CDH23: variants seen among roughly 807,000 people sequenced by gnomAD.
CDH23 encodes the protein cadherin-23.
CDH23 carries 189 observed loss-of-function variants against 317.1 expected under a neutral mutation model. The ratio of observed to expected loss-of-function variants is 0.60; its 90% CI spans 0.53 to 0.67. The LOEUF (loss-of-function observed/expected upper bound fraction) is 0.67. Among genes scored for constraint, CDH23 ranks in the 30% least tolerant of loss-of-function variants. The pLI, the probability that CDH23 is intolerant of heterozygous loss-of-function variation, is 0.00. For synonymous variants in CDH23, 1,839 were observed against 1,876.8 expected (o/e 0.98, Z 0.52); for missense variants, 4,401 against 4,592.4 (o/e 0.96, Z 1.20).
chr10:71,674,876 C>T (rs1216711612), intron 14 of CDH23, among the ~76,000 whole-genome samples: 2 of 152,192 alleles, frequency 1.3e-5, no homozygotes, highest in Non-Finnish European at 2.9e-5. Flanking sequence ...GATGGCCACA[C>T]CTGGTGTGTG....
At position 71,702,169 on chromosome 10, in the gene CDH23, G is replaced by A; in HGVS notation, c.2545G>A (p.Glu849Lys). The change falls in exon 23 of 70, where the codon GAG becomes AAG. Residue 849 changes from glutamate (E) to lysine (K), a missense_variant. This residue lies in a region of CDH23 where 3,068 missense variants were observed against 3,203.3 expected (regional missense o/e 0.96). Transcript: ENST00000224721. ...MLDRENPDPH[E>K]AELMRKIVVS... ...GGACCGGGAGAACCCCGACCCCCAT[G>A]AGGCCGAGCTGATGCGCAAAATCGT... 6.2e-7 allele frequency: 1 copy of A among 1,613,884 alleles called. No homozygotes were observed. The highest frequency in any genetic ancestry group is 1.1e-5 in the South Asian group (1 of 91,082).
chr10:71,662,037 A>G (rs898177462), intron 14 of CDH23, among the ~76,000 whole-genome samples: 1 of 150,958 alleles, frequency 6.6e-6, no homozygotes, highest in Non-Finnish European at 1.5e-5. Flanking sequence ...CTGGGCCCGC[A>G]GCCTCTGCTG....
At chr10:71,601,298 A>G (rs952468153) in intron 9 of CDH23, among the ~76,000 whole-genome samples, 2 of 152,254 alleles carry the variant, frequency 1.3e-5, no homozygotes, top group African/African-American at 4.8e-5. Context: ...CTCTATCCTC[A>G]GTTTACTAAT....
chr10:71,584,543 T>TGTGTGTGTGTGC lies in CDH23; in HGVS notation c.832+6562_832+6563insCGTGTGTGTGTG, dbSNP rs1491235538. On this transcript the variant is annotated intron_variant, in intron 9 of 69. Transcript: ENST00000224721. ...ACACTGATTGCTTTGAAGGGAAGTC[T>TGTGTGTGTGTGC]GTGTGTGTGTGTGTGTGTGTGTGTG... Among the ~76,000 whole-genome samples, 11 of 7,740 alleles carry TGTGTGTGTGTGC rather than the reference T, an allele frequency of 1.4e-3. 1 individual carries two copies. The highest frequency in any genetic ancestry group is 2.6e-3 in the African/African-American group (9 of 3,498). 5.1% of individuals were successfully genotyped at this position (7,740 alleles called of 152,430 possible). A position where few individuals can be genotyped will look rare whatever the true frequency, so the allele number is the denominator to read the frequency against.
chr10:71,606,908 T>C (rs933450169), intron 9 of CDH23, among the ~76,000 whole-genome samples: 4 of 152,072 alleles, frequency 2.6e-5, no homozygotes, highest in African/African-American at 7.2e-5. Flanking sequence ...AGGATCCTTA[T>C]GCGGCAGCAG....
At chr10:71,723,904 ACACCCCCAGC>A in intron 28 of CDH23, 131 bp from the exon 29 acceptor site, 1 of 910,568 alleles carries the variant, frequency 1.1e-6, no homozygotes, top group South Asian at 1.4e-5. Context: ...CTTGTCTCCC[ACACCCCCAGC>A]CTCTGAGGGA....
At chr10:71,785,972 G>C (rs1458053994) in intron 44 of CDH23, among the ~76,000 whole-genome samples, 4 of 152,202 alleles carry the variant, frequency 2.6e-5, no homozygotes, top group Non-Finnish European at 5.9e-5. Flanking sequence ...CTACCCCAAA[G>C]TTGTAGAAAG....
chr10:71,513,527 A>G (rs1225826543), intron 6 of CDH23, among the ~76,000 whole-genome samples: 2 of 152,188 alleles, frequency 1.3e-5, no homozygotes, highest in Non-Finnish European at 2.9e-5. Flanking sequence ...AGCCAGAGAA[A>G]TGGGGTGAGG....
chr10:71,748,851 C>T (rs1177974510), intron 38 of CDH23: 1 of 152,738 alleles, frequency 6.5e-6, no homozygotes, highest in Non-Finnish European at 1.5e-5. Flanking sequence ...GGAGGGACGT[C>T]CCTAGTGCGT....
Position 71,803,315 on chromosome 10 carries a change from C to T in CDH23, c.7767C>T (p.Pro2589=). 1 of 1,592,476 alleles carries T rather than the reference C, an allele frequency of 6.3e-7. No individual in the cohort carries two copies. Among genetic ancestry groups the T allele is most frequent in the Non-Finnish European group, 8.6e-7 (1 of 1,169,500 alleles). ...TGGTGGCCACAGATGGTGGAGAGCCCCCACTCTGGGGCACCACCATGCTCC... is the reference window on the plus strand; with the variant it reads ...TGGTGGCCACAGATGGTGGAGAGCCTCCACTCTGGGGCACCACCATGCTCC... The part of the protein sequence containing the change: ...LTVVATDGGE[P]PLWGTTMLLV... The change falls in exon 55 of 70, where the codon CCC becomes CCT. Residue 2589 remains proline (P), a synonymous_variant. Transcript: ENST00000224721.
At chr10:71,465,188 T>G (rs867449651) in intron 3 of CDH23, among the ~76,000 whole-genome samples, 1 of 152,190 alleles carries the variant, frequency 6.6e-6, no homozygotes, top group Admixed American at 6.5e-5. Flanking sequence ...ATGTGTTGAG[T>G]GGTTACTGTA....
chr10:71,463,903 A>C (rs568962176), intron 3 of CDH23, among the ~76,000 whole-genome samples: 2 of 152,110 alleles, frequency 1.3e-5, no homozygotes, highest in East Asian at 3.9e-4. Flanking sequence ...TTTTCTACCC[A>C]ATACCCAATC....
intron 6 of CDH23, among the ~76,000 whole-genome samples, chr10:71,514,445 A>G (rs1287744326): frequency 6.6e-6 from 1 of 152,180 alleles, no homozygotes; most frequent in Non-Finnish European, 1.5e-5. Context: ...GCCTGGAGAC[A>G]TGACCCACCT....
intron 11 of CDH23, among the ~76,000 whole-genome samples, chr10:71,623,633 A>C (rs1034507736): frequency 1.3e-5 from 2 of 152,020 alleles, no homozygotes; most frequent in African/African-American, 4.8e-5. Flanking sequence ...GACACTCCCC[A>C]CTCCCGTGAC....
intron 3 of CDH23, among the ~76,000 whole-genome samples, chr10:71,503,961 G>T (rs905243140): frequency 6.6e-6 from 1 of 152,156 alleles, no homozygotes; most frequent in Non-Finnish European, 1.5e-5. Flanking sequence ...AGCCCAGTGA[G>T]CCTGTGAGAT....
rs142553313 is a variant in CDH23 at position 71,570,444 on chromosome 10, C to T, written c.625-346C>T. On this transcript the variant is annotated intron_variant, in intron 7 of 69. Transcript: ENST00000224721. ...ATCTACTCCAAGCTGGTCATCCCAC[C>T]ACCGGATGTCCAAGGAAGTCAGGCC... Among the ~76,000 whole-genome samples the T allele has an allele frequency of 5.1e-3, 782 of 152,300 alleles. 1 individual carries two copies. The highest frequency in any genetic ancestry group is 0.014 in the Middle Eastern group (4 of 294).
At chr10:71,773,341 G>A (rs201293554) in intron 38 of CDH23, 7 of 1,596,802 alleles carry the variant, frequency 4.4e-6, no homozygotes, top group Non-Finnish European at 6.0e-6. Context: ...CCAGCGCCCC[G>A]CCTCCCCCGA....
At chr10:71,558,208 C>T (rs1044684978) in intron 6 of CDH23, among the ~76,000 whole-genome samples, 34 of 152,100 alleles carry the variant, frequency 2.2e-4, no homozygotes, top group African/African-American at 8.0e-4. Context: ...CCATGTTGAC[C>T]AGGCTGGTCT....
At chr10:71,699,776 A>G (rs1397103533) in intron 22 of CDH23, among the ~76,000 whole-genome samples, 1 of 152,176 alleles carries the variant, frequency 6.6e-6, no homozygotes, top group Non-Finnish European at 1.5e-5. Context: ...GAGATTCTAC[A>G]AAATCGCCCA....
Sources: allele counts gnomAD v4.1 joint callset (sites outside exome capture counted in the v4.1 genomes callset), GRCh38; gene constraint gnomAD v4.1.1; regional missense constraint gnomAD v4.1.1; transcripts MANE v1.5; gene names NCBI Gene and HGNC (gene_info 2026-07-23, HGNC 2026-07-21).